LNPEP: variants seen among roughly 807,000 people sequenced by gnomAD.
LNPEP encodes the protein leucyl and cystinyl aminopeptidase, also known as leucyl-cystinyl aminopeptidase.
A neutral mutation model predicts 120.6 loss-of-function variants in LNPEP; 64 were observed. That is an observed-to-expected ratio of 0.53 (90% CI 0.43 to 0.65). LNPEP has a LOEUF of 0.65. Ranked by LOEUF, LNPEP falls within the 30% of genes least tolerant of loss-of-function variation. LNPEP has a pLI of 0.00. For missense variants in LNPEP, 1,057 were observed against 1,200.0 expected (o/e 0.88, Z 1.76); for synonymous variants, 435 against 425.4 (o/e 1.02, Z -0.28).
At position 97,012,539 on chromosome 5, in the gene LNPEP, T is replaced by A. The variant is rs539044806; in HGVS notation, c.2036-1109T>A. On this transcript the variant is annotated intron_variant, in intron 11 of 17. Transcript: ENST00000231368. ...ATTTGTTGAGTACCTGCTAGGTCAT[T>A]GTTATAGGGGCTGAGGCGTTAGCAG... Among the ~76,000 whole-genome samples the A allele has an allele frequency of 5.9e-4, 90 of 152,270 alleles. No homozygotes were observed. In the South Asian group the frequency reaches 9.1e-3, roughly 15 times the overall value.
chr5:96,950,283 C>T (rs936643772), intron 1 of LNPEP, among the ~76,000 whole-genome samples: 4 of 152,166 alleles, frequency 2.6e-5, no homozygotes, highest in South Asian at 4.1e-4. Flanking sequence ...AGCTGCTGTG[C>T]GTTTGAGACC....
chr5:96,961,182 AAAAC>A (rs1409219814), intron 1 of LNPEP, among the ~76,000 whole-genome samples: 1 of 147,924 alleles, frequency 6.8e-6, no homozygotes, highest in Non-Finnish European at 1.5e-5. Context: ...TTTCAAAAAC[AAAAC>A]AAAAAAAAAC....
At position 97,036,630 on chromosome 5, in the gene LNPEP, AT is replaced by A. The variant is rs1389952122; in HGVS notation, c.*8099del. 1 of 151,920 alleles carries A rather than the reference AT, an allele frequency of 6.6e-6. No homozygotes were observed. The highest frequency in any genetic ancestry group is 1.5e-5 in the Non-Finnish European group (1 of 67,972). The allele number at this position is 151,920 out of a possible 1,614,324, so 9.4% of individuals were successfully genotyped here. A position where few individuals can be genotyped will look rare whatever the true frequency, so the allele number is the denominator to read the frequency against. ...CCTCCCTTCCTTCAGGCCTCTTAGC[AT>A]TGTTTGTTTTCCCATTTCTGATACT... is the stretch of plus-strand genomic sequence containing the variant. On this transcript the variant is annotated 3_prime_UTR_variant, in exon 18 of 18. Coordinates refer to ENST00000231368, the MANE Select transcript of LNPEP (RefSeq NM_005575.3).
In LNPEP at chr5:97,013,787, C is replaced by T. The variant is rs963757505; in HGVS notation, c.2175C>T (p.Asp725=). The part of the protein sequence containing the change: ...QLKINPYVLS[D]KDRANLINNI... ...AAATAAATCCTTATGTTCTGAGTGA[C>T]AAAGACCGAGCCAACCTTATCAACA... The change falls in exon 12 of 18, where the codon GAC becomes GAT. Residue 725 remains aspartate (D), a synonymous_variant. Coordinates refer to ENST00000231368, the MANE Select transcript of LNPEP (RefSeq NM_005575.3). 12 of 1,610,158 alleles carry T rather than the reference C, an allele frequency of 7.5e-6. No homozygotes were observed. Among genetic ancestry groups the T allele is most frequent in the Non-Finnish European group, 1.0e-5 (12 of 1,178,350 alleles).
chr5:96,963,664 G>C (rs1789659009), intron 1 of LNPEP, among the ~76,000 whole-genome samples: 1 of 152,162 alleles, frequency 6.6e-6, no homozygotes. Flanking sequence ...ATTAAAGCAA[G>C]TTACAAGGCT....
chr5:97,011,729 C>T (rs7726221), intron 11 of LNPEP, among the ~76,000 whole-genome samples: 20 of 152,312 alleles, frequency 1.3e-4, no homozygotes, highest in African/African-American at 4.8e-4. Flanking sequence ...AAGGAATAAA[C>T]CTTATTTAAC....
rs754105783 is a variant in LNPEP at position 96,979,126 on chromosome 5, T to C, written c.20-12T>C. On this transcript the variant is annotated splice_polypyrimidine_tract_variant and intron_variant, in intron 1 of 17. Transcript: ENST00000231368. ...TAACTCTGTGCCTTGTTCTTATGTTTTGGTTTTTTAGATCGGCTTCAGCTC... is the reference window on the plus strand; with the variant it reads ...TAACTCTGTGCCTTGTTCTTATGTTCTGGTTTTTTAGATCGGCTTCAGCTC... The C allele has an allele frequency of 1.9e-6, 3 of 1,576,252 alleles. No homozygotes were observed. Among genetic ancestry groups the C allele is most frequent in the Middle Eastern group, 1.7e-4 (1 of 5,812 alleles).
In LNPEP at chr5:97,028,486, A is replaced by G; in HGVS notation, c.3031A>G (p.Ile1011Val). 6.2e-7 allele frequency: 1 copy of G among 1,614,004 alleles called. No individual in the cohort carries two copies. Residue 1011 changes from isoleucine (I) to valine (V), a missense_variant, in exon 18 of 18, where the codon ATC becomes GTC. Physicochemically the swap from Ile to Val is conservative, Grantham distance 29 (BLOSUM62 3). Coordinates refer to ENST00000231368, the MANE Select transcript of LNPEP (RefSeq NM_005575.3). ...GGCTTTGGAAGTCATTCAGTTGAAT[A>G]TCCAGTGGATGGAGAAGAACCTCAA... is the stretch of plus-strand genomic sequence containing the variant. Reference protein sequence around the residue: ...QEALEVIQLNIQWMEKNLKSL... With the variant: ...QEALEVIQLNVQWMEKNLKSL...
chr5:97,022,616 A>G (rs12516308), intron 14 of LNPEP, 132 bp downstream of exon 14: 62,600 of 704,698 alleles, frequency 0.089, 3,314 homozygotes, highest in Middle Eastern at 0.14. Context: ...AACTCTATGT[A>G]TCTGCATTCT....
Position 97,028,523 on chromosome 5 carries a change from G to T in LNPEP, c.3068G>T (p.Trp1023Leu). 6.2e-7 allele frequency: 1 copy of T among 1,613,704 alleles called. No homozygotes were observed. The highest frequency in any genetic ancestry group is 8.5e-7 in the Non-Finnish European group (1 of 1,179,714). Residue 1023 changes from tryptophan to leucine, a missense_variant, in exon 18 of 18, where the codon TGG becomes TTG. Coordinates refer to ENST00000231368, the MANE Select transcript of LNPEP (RefSeq NM_005575.3). ...GAGAAGAACCTCAAAAGTCTCACATGGTGGCTGTAGCATGCACAACCGCAC... is the reference window on the plus strand; with the variant it reads ...GAGAAGAACCTCAAAAGTCTCACATTGTGGCTGTAGCATGCACAACCGCAC... ...WMEKNLKSLTWWL is the reference protein window; with the variant it reads ...WMEKNLKSLTLWL
chr5:96,969,101 G>T (rs184764068), intron 1 of LNPEP, among the ~76,000 whole-genome samples: 2 of 152,008 alleles, frequency 1.3e-5, no homozygotes, highest in Admixed American at 6.6e-5. Context: ...TTTTAAATCA[G>T]ATACTTCAAA....
At chr5:96,972,665 G>A (rs1457352441) in intron 1 of LNPEP, among the ~76,000 whole-genome samples, 9 of 152,084 alleles carry the variant, frequency 5.9e-5, no homozygotes, top group Admixed American at 5.9e-4. Context: ...CCTTCACTCA[G>A]AGGTCACACT....
chr5:96,965,517 A>G (rs895378404), intron 1 of LNPEP, among the ~76,000 whole-genome samples: 5 of 152,186 alleles, frequency 3.3e-5, no homozygotes, highest in African/African-American at 9.7e-5. Flanking sequence ...AGTTTTCATA[A>G]AAACAATTTT....
intron 6 of LNPEP, 173 bp from the exon 7 acceptor site, chr5:96,996,217 C>A (rs1672009153): frequency 6.8e-6 from 3 of 442,370 alleles, no homozygotes; most frequent in South Asian, 5.7e-5. Context: ...ATTTATACAA[C>A]TTTTGTAAGT....
chr5:96,976,721 A>G (rs1185877523), intron 1 of LNPEP, among the ~76,000 whole-genome samples: 1 of 152,004 alleles, frequency 6.6e-6, no homozygotes, highest in Non-Finnish European at 1.5e-5. Flanking sequence ...TAAAAAAGTC[A>G]AAAAAGGCCT....
In LNPEP at chr5:97,031,432, G is replaced by A. The variant is rs888289315; in HGVS notation, c.*2899G>A. 4.6e-5 allele frequency: 7 copies of A among 151,994 alleles called. No homozygotes were observed. Among genetic ancestry groups the A allele is most frequent in the Non-Finnish European group, 1.0e-4 (7 of 68,018 alleles). The allele number at this position is 151,994 out of a possible 1,614,324, so 9.4% of individuals were successfully genotyped here. A position where few individuals can be genotyped will look rare whatever the true frequency, so the allele number is the denominator to read the frequency against. Reference sequence around the variant, plus strand: ...TTCATGAACTTTCTTACTATCACAGGTTCTACTTTAATTTTCCTTGCCATA... The same window carrying A: ...TTCATGAACTTTCTTACTATCACAGATTCTACTTTAATTTTCCTTGCCATA... On this transcript the variant is annotated 3_prime_UTR_variant, in exon 18 of 18. Coordinates refer to ENST00000231368, the MANE Select transcript of LNPEP (RefSeq NM_005575.3).
At chr5:97,010,632 C>T (rs985220459) in intron 11 of LNPEP, 57 of 984,982 alleles carry the variant, frequency 5.8e-5, no homozygotes. Context: ...TTTCGTAGCT[C>T]ATTGACAAAT....
At chr5:96,975,301 A>G (rs2112600417) in intron 1 of LNPEP, among the ~76,000 whole-genome samples, 1 of 152,308 alleles carries the variant, frequency 6.6e-6, no homozygotes, top group African/African-American at 2.4e-5. Flanking sequence ...AAAAAATTAG[A>G]AAATGTGAAA....
intron 2 of LNPEP, 85 bp downstream of exon 2, chr5:96,980,063 A>T: frequency 7.6e-7 from 1 of 1,315,552 alleles, no homozygotes; most frequent in Non-Finnish European, 1.0e-6. Context: ...AGAGACACGA[A>T]TTGTGATTTT....
Sources: allele counts gnomAD v4.1 joint callset (sites outside exome capture counted in the v4.1 genomes callset), GRCh38; gene constraint gnomAD v4.1.1; transcripts MANE v1.5; gene names NCBI Gene and HGNC (gene_info 2026-07-23, HGNC 2026-07-21).